CSMD1: variants seen among roughly 807,000 people sequenced by gnomAD.
The protein encoded by CSMD1 is CUB and Sushi multiple domains 1.
In CSMD1, 213 loss-of-function variants were observed where a neutral mutation model predicts 417.5. That is an observed-to-expected ratio of 0.51 (90% CI 0.46 to 0.57). The LOEUF (loss-of-function observed/expected upper bound fraction) is 0.57. Ranked by LOEUF, CSMD1 falls within the 20% of genes least tolerant of loss-of-function variation. CSMD1 has a pLI of 0.00. For synonymous variants in CSMD1, 2,862 were observed against 1,736.8 expected, an observed-to-expected ratio of 1.65 and a Z score of -16.11; for missense variants, 6,923 against 4,529.7, an observed-to-expected ratio of 1.53 and a Z score of -15.17.
chr8:3,556,045 A>C (rs1799126548), intron 10 of CSMD1, among the ~76,000 whole-genome samples: 1 of 152,160 alleles, frequency 6.6e-6, no homozygotes, highest in African/African-American at 2.4e-5. Flanking sequence ...TTTGACATTA[A>C]CTTTTCGCTC....
intron 1 of CSMD1, among the ~76,000 whole-genome samples, chr8:4,808,376 T>C (rs891857481): frequency 7.2e-5 from 11 of 152,230 alleles, no homozygotes; most frequent in African/African-American, 1.9e-4. Context: ...ATCTAGATTA[T>C]AGACCCTTTT....
chr8:3,735,919 T>C (rs573452260), intron 6 of CSMD1, among the ~76,000 whole-genome samples: 41 of 152,146 alleles, frequency 2.7e-4, no homozygotes, highest in South Asian at 8.3e-4. Flanking sequence ...AATTACAGCC[T>C]CCTAAAGCTT....
chr8:3,426,491 C>T (rs541072731), intron 12 of CSMD1, among the ~76,000 whole-genome samples: 51 of 152,296 alleles, frequency 3.3e-4, no homozygotes, highest in African/African-American at 1.2e-3. Context: ...TGTCCACCTG[C>T]TCTTTCCCTC....
intron 2 of CSMD1, among the ~76,000 whole-genome samples, chr8:4,569,447 T>C (rs2617075): frequency 0.43 from 65,433 of 151,936 alleles, 14,701 homozygotes; most frequent in East Asian, 0.53. Context: ...AAACATCAGA[T>C]GGTTGTAGAT....
At chr8:3,120,970 T>C (rs138650908) in intron 41 of CSMD1, among the ~76,000 whole-genome samples, 17 of 151,938 alleles carry the variant, frequency 1.1e-4, no homozygotes, top group Non-Finnish European at 2.1e-4. Flanking sequence ...AGTTGTAATA[T>C]TAAACCTAGT....
rs557336556 is a variant in CSMD1 at position 3,668,576 on chromosome 8, G to C, written c.1009+39838C>G. Among the ~76,000 whole-genome samples, 9 of 152,178 alleles carry C rather than the reference G, an allele frequency of 5.9e-5. No individual in the cohort carries two copies. In the South Asian group the frequency reaches 6.2e-4, roughly 11 times the overall value. Reference sequence around the variant, plus strand: ...TAATATGCAAAGGGGATCAAGCCTGGTCCTTACTACAGAAAATATGCAAAA... The same window carrying C: ...TAATATGCAAAGGGGATCAAGCCTGCTCCTTACTACAGAAAATATGCAAAA... On this transcript the variant is annotated intron_variant, in intron 7 of 69. Coordinates refer to ENST00000635120, the MANE Select transcript of CSMD1 (RefSeq NM_033225.6).
At chr8:4,891,643 A>C (rs1251560062) in intron 1 of CSMD1, among the ~76,000 whole-genome samples, 1 of 152,102 alleles carries the variant, frequency 6.6e-6, no homozygotes, top group Non-Finnish European at 1.5e-5. Context: ...GCTGAATCCA[A>C]ATTTATTGAA....
At chr8:3,411,961 TATATGC>T (rs1812788371) in intron 12 of CSMD1, among the ~76,000 whole-genome samples, 1 of 38,080 alleles carries the variant, frequency 2.6e-5, no homozygotes, top group African/African-American at 9.7e-5. Flanking sequence ...TATACACGTA[TATATGC>T]ACGTATATAT....
intron 26 of CSMD1, among the ~76,000 whole-genome samples, chr8:3,283,483 T>C (rs1802895971): frequency 6.6e-6 from 1 of 152,228 alleles, no homozygotes; most frequent in Non-Finnish European, 1.5e-5. Flanking sequence ...CTGGTCCTGA[T>C]CTTATAATGA....
chr8:4,176,962 C>T (rs1392238362), intron 3 of CSMD1, among the ~76,000 whole-genome samples: 2 of 151,612 alleles, frequency 1.3e-5, no homozygotes, highest in Non-Finnish European at 2.9e-5. Context: ...GAGACTTAGA[C>T]TCCCACACAA....
intron 5 of CSMD1, among the ~76,000 whole-genome samples, chr8:3,785,110 T>G (rs1799382256): frequency 6.6e-6 from 1 of 152,206 alleles, no homozygotes; most frequent in South Asian, 2.1e-4. Context: ...ATTTGAATCC[T>G]GGTCCTACCT....
At chr8:4,241,476 A>C (rs1005526299) in intron 3 of CSMD1, among the ~76,000 whole-genome samples, 1 of 152,188 alleles carries the variant, frequency 6.6e-6, no homozygotes, top group Admixed American at 6.5e-5. Context: ...AAGTCGCTTC[A>C]TGCAGTGAGG....
chr8:4,269,225 T>A (rs1410095651), intron 3 of CSMD1, among the ~76,000 whole-genome samples: 1 of 152,004 alleles, frequency 6.6e-6, no homozygotes, highest in Non-Finnish European at 1.5e-5. Flanking sequence ...CCCGGCTAAT[T>A]TTTGTATATT....
chr8:4,770,450 ATTT>A (rs201691414), intron 1 of CSMD1, among the ~76,000 whole-genome samples: 1 of 149,082 alleles, frequency 6.7e-6, no homozygotes, highest in African/African-American at 2.5e-5. Flanking sequence ...TCTTCACAGA[ATTT>A]TTTTTTTAAT....
intron 7 of CSMD1, among the ~76,000 whole-genome samples, chr8:3,671,881 G>A (rs62474695): frequency 0.057 from 8,660 of 152,026 alleles, 361 homozygotes; most frequent in Non-Finnish European, 0.082. Flanking sequence ...ACTGGGAGAT[G>A]GGGCACCCAC....
chr8:4,224,908 A>T (rs1585052900), intron 3 of CSMD1, among the ~76,000 whole-genome samples: 1 of 446 alleles, frequency 2.2e-3, no homozygotes, highest in African/African-American at 5.2e-3. Context: ...TCAGGAGTCC[A>T]AAGGCCAGCC....
At chr8:4,773,055 T>A (rs997326339) in intron 1 of CSMD1, among the ~76,000 whole-genome samples, 1 of 152,170 alleles carries the variant, frequency 6.6e-6, no homozygotes, top group Non-Finnish European at 1.5e-5. Flanking sequence ...TCTGAAATGT[T>A]TGCCACCAGA....
intron 1 of CSMD1, among the ~76,000 whole-genome samples, chr8:4,657,430 C>G (rs569693832): frequency 9.2e-5 from 14 of 152,266 alleles, no homozygotes; most frequent in Admixed American, 9.2e-4. Context: ...CTCTGTCTCT[C>G]TTTCTCACTC....
chr8:3,031,471 A>T (rs1810335391), intron 50 of CSMD1, among the ~76,000 whole-genome samples: 1 of 138,424 alleles, frequency 7.2e-6, no homozygotes, highest in South Asian at 2.1e-4. Flanking sequence ...TAACAATAAT[A>T]AAAAAAAATT....
Sources: gnomAD v4.1 joint callset for allele counts (sites outside exome capture counted in the v4.1 genomes callset) on GRCh38, gnomAD v4.1.1 for gene constraint, MANE v1.5 for transcripts, NCBI Gene and HGNC (gene_info 2026-07-23, HGNC 2026-07-21) for gene names.